CTNNA2: variants seen among roughly 807,000 people sequenced by gnomAD.
CTNNA2 encodes catenin alpha 2, also known as catenin alpha-2.
In CTNNA2, 42 loss-of-function variants were observed where a neutral mutation model predicts 101.0. The ratio of observed to expected loss-of-function variants is 0.42; its 90% confidence interval spans 0.32 to 0.54. CTNNA2 has a LOEUF of 0.54. CTNNA2 is among the 20% of genes least tolerant of loss of function. CTNNA2 has a pLI of 0.14. For missense variants in CTNNA2, 871 were observed against 1,223.1 expected, an observed-to-expected ratio of 0.71 and a Z score of 4.29; for synonymous variants, 450 against 456.4, an observed-to-expected ratio of 0.99 and a Z score of 0.18.
At chr2:79,585,297 G>A (rs776074948) in intron 1 of CTNNA2, among the ~76,000 whole-genome samples, 11 of 151,772 alleles carry the variant, frequency 7.2e-5, no homozygotes, top group East Asian at 3.9e-4. Context: ...TTACAATTAG[G>A]GATAATTCTG....
intron 4 of CTNNA2, among the ~76,000 whole-genome samples, chr2:79,408,059 G>C (rs866465224): frequency 6.6e-6 from 1 of 151,868 alleles, no homozygotes; most frequent in African/African-American, 2.4e-5. Context: ...TCTCAGACTT[G>C]GAACTATTCA....
At chr2:79,394,988 G>A (rs573014210) in intron 4 of CTNNA2, among the ~76,000 whole-genome samples, 45 of 152,110 alleles carry the variant, frequency 3.0e-4, no homozygotes, top group Middle Eastern at 3.4e-3. Flanking sequence ...GATAAAGATG[G>A]GACAATGGCA....
chr2:79,851,266 T>C (rs1680677505), intron 3 of CTNNA2, among the ~76,000 whole-genome samples: 1 of 152,250 alleles, frequency 6.6e-6, no homozygotes, highest in Admixed American at 6.5e-5. Flanking sequence ...CCCACCTTGC[T>C]TTGAAAATGA....
chr2:79,517,388 T>C (rs1671863579), intron 1 of CTNNA2, among the ~76,000 whole-genome samples: 1 of 152,214 alleles, frequency 6.6e-6, no homozygotes, highest in African/African-American at 2.4e-5. Context: ...GTTTCTCATA[T>C]ATTTCTGTTT....
intron 4 of CTNNA2, among the ~76,000 whole-genome samples, chr2:79,437,953 G>A (rs1678735198): frequency 6.6e-6 from 1 of 152,120 alleles, no homozygotes; most frequent in African/African-American, 2.4e-5. Flanking sequence ...GAGAGGCTAT[G>A]ATGGTTTCTG....
At chr2:79,930,324 GAAAGAAAGAAAGAAA>G (rs1687343915) in intron 7 of CTNNA2, among the ~76,000 whole-genome samples, 1 of 145,076 alleles carries the variant, frequency 6.9e-6, no homozygotes, top group African/African-American at 2.6e-5. Context: ...AAGAAAGAAA[GAAAGAAAGAAAGAAA>G]GAAAGAAAGA....
At chr2:80,289,841 G>A (rs567217089) in intron 7 of CTNNA2, among the ~76,000 whole-genome samples, 1 of 152,272 alleles carries the variant, frequency 6.6e-6, no homozygotes, top group South Asian at 2.1e-4. Flanking sequence ...AGTCAAAAGT[G>A]TACTTGCCTC....
At chr2:79,906,911 T>C (rs2104308029) in intron 6 of CTNNA2, among the ~76,000 whole-genome samples, 1 of 152,332 alleles carries the variant, frequency 6.6e-6, no homozygotes, top group Middle Eastern at 3.4e-3. Context: ...GGGAACCTTA[T>C]TTTTTCATCA....
intron 1 of CTNNA2, among the ~76,000 whole-genome samples, chr2:79,621,520 C>T (rs539432486): frequency 1.5e-4 from 23 of 152,006 alleles, no homozygotes; most frequent in Admixed American, 1.3e-3. Flanking sequence ...TTGAGCAATA[C>T]GATACAGTAG....
At chr2:79,565,411 CCT>C (rs2104165153) in intron 1 of CTNNA2, among the ~76,000 whole-genome samples, 1 of 152,184 alleles carries the variant, frequency 6.6e-6, no homozygotes. Flanking sequence ...AGTGCACACT[CCT>C]CTCTCAGTGT....
intron 1 of CTNNA2, among the ~76,000 whole-genome samples, chr2:79,520,743 C>T (rs1672059761): frequency 6.6e-6 from 1 of 152,030 alleles, no homozygotes; most frequent in African/African-American, 2.4e-5. Context: ...CTCTATAATT[C>T]ACCGAAATAA....
intron 8 of CTNNA2, among the ~76,000 whole-genome samples, chr2:80,418,669 T>C (rs928188102): frequency 1.3e-5 from 2 of 152,122 alleles, no homozygotes; most frequent in African/African-American, 4.8e-5. Context: ...ACATGCAGAG[T>C]GTTTATCATC....
At chr2:80,239,936 C>T (rs1709759979) in intron 7 of CTNNA2, among the ~76,000 whole-genome samples, 2 of 151,274 alleles carry the variant, frequency 1.3e-5, no homozygotes, top group Middle Eastern at 3.2e-3. Flanking sequence ...AAAAACAAAA[C>T]AAAACAAAAC....
At chr2:80,424,199 C>T (rs1680788030) in intron 9 of CTNNA2, among the ~76,000 whole-genome samples, 1 of 152,120 alleles carries the variant, frequency 6.6e-6, no homozygotes, top group Non-Finnish European at 1.5e-5. Flanking sequence ...TGTGATCTGC[C>T]CTCCTTGGCC....
intron 1 of CTNNA2, among the ~76,000 whole-genome samples, chr2:79,516,032 G>A (rs1671789261): frequency 6.6e-6 from 1 of 152,180 alleles, no homozygotes; most frequent in South Asian, 2.1e-4. Context: ...ACAGGCATTT[G>A]CATGAGGTCC....
rs2103894222 is a variant in CTNNA2 at position 79,849,641 on chromosome 2, G to A, written c.299-8372G>A. ...TGTTAAGACTTTTTCCTTCTTGCTA[G>A]CAAAGGCCTATGTGGGCAAAACAGA... On this transcript the variant is annotated intron_variant, in intron 3 of 18. Coordinates refer to ENST00000402739, the MANE Select transcript of CTNNA2 (RefSeq NM_001282597.3). 2.0e-5 allele frequency among the ~76,000 whole-genome samples: 3 copies of A among 152,174 alleles called. No individual in the cohort carries two copies. The Middle Eastern group carries it at 0.01, about 521-fold the overall frequency.
chr2:79,558,282 A>T lies in CTNNA2; in HGVS notation c.-6+45075A>T, dbSNP rs1264056538. The stretch of plus-strand genomic sequence containing the variant: ...TGATGCAAAAATGACTGCATATCTC[A>T]TTATTAACTATAATTTAATCAGCTA... On this transcript the variant is annotated intron_variant, in intron 1 of 18. Coordinates refer to ENST00000402739, the MANE Select transcript of CTNNA2 (RefSeq NM_001282597.3). Among the ~76,000 whole-genome samples the T allele has an allele frequency of 2.0e-5, 3 of 151,980 alleles. No individual in the cohort carries two copies. The East Asian group carries it at 5.8e-4, about 29-fold the overall frequency.
At chr2:79,940,342 G>A (rs1397165414) in intron 7 of CTNNA2, among the ~76,000 whole-genome samples, 7 of 152,246 alleles carry the variant, frequency 4.6e-5, no homozygotes, top group African/African-American at 1.7e-4. Flanking sequence ...GAAAGGTTTT[G>A]TTTTGTTGTG....
intron 12 of CTNNA2, among the ~76,000 whole-genome samples, chr2:80,562,596 CTG>C (rs1045612199): frequency 1.2e-4 from 19 of 152,256 alleles, no homozygotes; most frequent in Admixed American, 1.2e-3. Flanking sequence ...TTTTAAAAAT[CTG>C]TTCTTCAGAT....
Sources: gnomAD v4.1 joint callset for allele counts (sites outside exome capture counted in the v4.1 genomes callset) on GRCh38, gnomAD v4.1.1 for gene constraint, MANE v1.5 for transcripts, NCBI Gene and HGNC (gene_info 2026-07-23, HGNC 2026-07-21) for gene names.